Variants in GOLGA7B observed in about 807,000 individuals in gnomAD.
The protein encoded by GOLGA7B is golgin subfamily A member 7B.
Under a neutral mutation model 21.5 loss-of-function variants are expected in GOLGA7B, and 17 were observed. The ratio of observed to expected loss-of-function variants is 0.79; its 90% CI spans 0.54 to 1.19. The LOEUF is 1.19. Ranked by LOEUF, GOLGA7B falls within the 50% of genes most tolerant of loss-of-function variation. The pLI, the probability that GOLGA7B is intolerant of heterozygous loss-of-function variation, is 0.00. For synonymous variants in GOLGA7B, 87 were observed against 84.0 expected (o/e 1.04, Z -0.19); for missense variants, 169 against 224.4 (o/e 0.75, Z 1.58).
intron 2 of GOLGA7B, among the ~76,000 whole-genome samples, chr10:97,860,595 C>T (rs529517366): frequency 5.3e-5 from 8 of 152,212 alleles, no homozygotes; most frequent in East Asian, 1.9e-4. Flanking sequence ...TCAAGTGATC[C>T]GCCCTCCTCG....
At chr10:97,856,960 T>C (rs1169988242) in intron 1 of GOLGA7B, among the ~76,000 whole-genome samples, 1 of 152,192 alleles carries the variant, frequency 6.6e-6, no homozygotes, top group East Asian at 1.9e-4. Flanking sequence ...GAGTTCCTCA[T>C]AGATTCTGGA....
Position 97,850,091 on chromosome 10 carries a change from C to T in GOLGA7B, c.-213C>T. 5.6e-6 allele frequency: 1 copy of T among 180,052 alleles called. No homozygotes were observed. The highest frequency in any genetic ancestry group is 1.6e-4 in the East Asian group (1 of 6,238). 11.2% of individuals were successfully genotyped at this position (180,052 alleles called of 1,614,324 possible). A position where few individuals can be genotyped will look rare whatever the true frequency, so the allele number is the denominator to read the frequency against. Reference sequence around the variant, plus strand: ...CTCCCGGGCCCGGCGCCTGCCTCAGCACAGCGGACAGCGCCGCGCCCCTTG... The same window carrying T: ...CTCCCGGGCCCGGCGCCTGCCTCAGTACAGCGGACAGCGCCGCGCCCCTTG... On this transcript the variant is annotated 5_prime_UTR_variant, in exon 1 of 5. Transcript: ENST00000370602.
At chr10:97,851,779 C>T (rs1445188141) in intron 1 of GOLGA7B, among the ~76,000 whole-genome samples, 1 of 152,258 alleles carries the variant, frequency 6.6e-6, no homozygotes, top group African/African-American at 2.4e-5. Context: ...ACAGGCCCAT[C>T]TGTCCCAGGA....
intron 1 of GOLGA7B, among the ~76,000 whole-genome samples, chr10:97,854,956 A>G (rs564708830): frequency 1.4e-4 from 21 of 152,166 alleles, no homozygotes; most frequent in Admixed American, 3.9e-4. Flanking sequence ...ATGAAAGGGG[A>G]AAGAGCAGGG....
chr10:97,850,221 C>T lies in GOLGA7B; in HGVS notation c.-83C>T. 3.7e-6 allele frequency: 4 copies of T among 1,087,732 alleles called. No individual in the cohort carries two copies. Among genetic ancestry groups the T allele is most frequent in the South Asian group, 1.9e-5 (1 of 51,970 alleles). 67.4% of individuals were successfully genotyped at this position (1,087,732 alleles called of 1,614,324 possible). A position where few individuals can be genotyped will look rare whatever the true frequency, so the allele number is the denominator to read the frequency against. On this transcript the variant is annotated 5_prime_UTR_variant, in exon 1 of 5. Coordinates refer to ENST00000370602, the MANE Select transcript of GOLGA7B (RefSeq NM_001010917.3). ...CCCGGGCCCCAGCTCGCCGCCACCGCCGCCGCCCACCTGCTCCCGGGGTCA... is the reference window on the plus strand; with the variant it reads ...CCCGGGCCCCAGCTCGCCGCCACCGTCGCCGCCCACCTGCTCCCGGGGTCA...
chr10:97,854,179 GC>G (rs1221929104), intron 1 of GOLGA7B, among the ~76,000 whole-genome samples: 2 of 152,168 alleles, frequency 1.3e-5, no homozygotes, highest in Admixed American at 1.3e-4. Context: ...TTATTGCTCA[GC>G]CCCTGTAAAC....
intron 2 of GOLGA7B, among the ~76,000 whole-genome samples, chr10:97,860,368 CT>C (rs58130896): frequency 1.2e-4 from 18 of 150,260 alleles, no homozygotes; most frequent in African/African-American, 2.0e-4. Flanking sequence ...AATACTAGGT[CT>C]TTTTTTTTTT....
intron 4 of GOLGA7B, 98 bp from the exon 5 acceptor site, chr10:97,865,492 C>T: frequency 6.4e-7 from 1 of 1,555,966 alleles, no homozygotes; most frequent in Admixed American, 1.8e-5. Context: ...GCAGCACAAG[C>T]CCACTTTCCC....
At chr10:97,856,454 A>G (rs1217400665) in intron 1 of GOLGA7B, among the ~76,000 whole-genome samples, 1 of 152,194 alleles carries the variant, frequency 6.6e-6, no homozygotes, top group African/African-American at 2.4e-5. Flanking sequence ...GTGTATATAT[A>G]CCACATTTTC....
In GOLGA7B at chr10:97,849,969, C is replaced by CCCGCCG. The variant is rs1402572608; in HGVS notation, c.-323_-318dup. Among the ~76,000 whole-genome samples, 571 of 150,998 alleles carry CCCGCCG rather than the reference C, an allele frequency of 3.8e-3. 4 individuals carry two copies. Among genetic ancestry groups the CCCGCCG allele is most frequent in the East Asian group, 0.013 (66 of 5,106 alleles). On this transcript the variant is annotated 5_prime_UTR_variant, in exon 1 of 5. Transcript: ENST00000370602. ...CCCTCCTCCCCCGGCCGCCCCCATC[C>CCCGCCG]CCGCCGCCGCCGCCGCCAAAGCTAA...
intron 1 of GOLGA7B, among the ~76,000 whole-genome samples, chr10:97,855,951 G>A (rs2049932587): frequency 6.6e-6 from 1 of 152,188 alleles, no homozygotes; most frequent in South Asian, 2.1e-4. Flanking sequence ...CTGGATTTAG[G>A]AAAGTCACAT....
Position 97,865,662 on chromosome 10 carries a change from A to G in GOLGA7B, c.466A>G (p.Ser156Gly). 1 of 1,610,492 alleles carries G rather than the reference A, an allele frequency of 6.2e-7. No homozygotes were observed. Among genetic ancestry groups the G allele is most frequent in the Non-Finnish European group, 8.5e-7 (1 of 1,178,456 alleles). ...SSSGSSSGSG[S>G]SSGGGGGAGA... is the part of the protein sequence containing the mutation. ...CAGCGGCAGCAGCAGCGGCAGTGGC[A>G]GCAGCAGCGGTGGGGGTGGTGGGGC... Residue 156 changes from serine to glycine, a missense_variant, in exon 5 of 5, where the codon AGC becomes GGC. Transcript: ENST00000370602.
chr10:97,867,418 G>T lies in GOLGA7B; in HGVS notation c.*1718G>T. 1 of 152,420 alleles carries T rather than the reference G, an allele frequency of 6.6e-6. No individual in the cohort carries two copies. Among genetic ancestry groups the T allele is most frequent in the Non-Finnish European group, 1.5e-5 (1 of 68,074 alleles). The allele number at this position is 152,420 out of a possible 1,614,324, so 9.4% of individuals were successfully genotyped here. ...ACCAGCCACTGGAGGTAGCTCTCTGGAGTCAAAGAGAGGCCTGCTTTTCTA... is the reference window on the plus strand; with the variant it reads ...ACCAGCCACTGGAGGTAGCTCTCTGTAGTCAAAGAGAGGCCTGCTTTTCTA... On this transcript the variant is annotated 3_prime_UTR_variant, in exon 5 of 5. Coordinates refer to ENST00000370602, the MANE Select transcript of GOLGA7B (RefSeq NM_001010917.3).
At chr10:97,854,926 A>G (rs2049925912) in intron 1 of GOLGA7B, among the ~76,000 whole-genome samples, 1 of 152,194 alleles carries the variant, frequency 6.6e-6, no homozygotes, top group Non-Finnish European at 1.5e-5. Flanking sequence ...TATCTTCAAC[A>G]CAGGGCTCCA....
chr10:97,850,380 G>A (rs2049897693), intron 1 of GOLGA7B, 65 bp downstream of exon 1: 2 of 1,430,160 alleles, frequency 1.4e-6, no homozygotes, highest in East Asian at 2.8e-5. Context: ...CCCTAGGGGT[G>A]GGCTGGGCAG....
rs142546456 is a variant in GOLGA7B at position 97,865,004 on chromosome 10, G to A, written c.394-586G>A. 3.1e-3 allele frequency: 480 copies of A among 152,684 alleles called. 3 individuals are homozygous for A. The highest frequency in any genetic ancestry group is 0.011 in the African/African-American group (467 of 41,570). The allele number at this position is 152,684 out of a possible 1,614,324, so 9.5% of individuals were successfully genotyped here. A position where few individuals can be genotyped will look rare whatever the true frequency, so the allele number is the denominator to read the frequency against. On this transcript the variant is annotated intron_variant, in intron 4 of 4. Coordinates refer to ENST00000370602, the MANE Select transcript of GOLGA7B (RefSeq NM_001010917.3). ...AAAAACCACAAACACCCAGAATCAC[G>A]TGTTGACAAAGCCCAGTGAGAGGCA...
Position 97,865,782 on chromosome 10 carries a change from C to T in GOLGA7B, c.*82C>T, listed in dbSNP as rs911228602. 54 of 1,304,952 alleles carry T rather than the reference C, an allele frequency of 4.1e-5. No homozygotes were observed. The highest frequency in any genetic ancestry group is 7.8e-5 in the East Asian group (2 of 25,784). The allele number at this position is 1,304,952 out of a possible 1,614,324, so 80.8% of individuals were successfully genotyped here. On this transcript the variant is annotated 3_prime_UTR_variant, in exon 5 of 5. Transcript: ENST00000370602. ...GCGGCGGCTGCGCTACCAGAGCACC[C>T]GCTTCTGAGTCATTCTTTGGGCTCA...
intron 1 of GOLGA7B, among the ~76,000 whole-genome samples, chr10:97,856,115 T>G (rs769480842): frequency 1.3e-5 from 2 of 152,256 alleles, no homozygotes; most frequent in Non-Finnish European, 1.5e-5. Flanking sequence ...GGAGTACATG[T>G]GCATGTTTGT....
At position 97,868,992 on chromosome 10, in the gene GOLGA7B, A is replaced by G. The variant is rs1453386509; in HGVS notation, c.*3292A>G. The G allele has an allele frequency of 6.6e-6, 1 of 152,208 alleles. No individual in the cohort carries two copies. Among genetic ancestry groups the G allele is most frequent in the Non-Finnish European group, 1.5e-5 (1 of 68,038 alleles). 9.4% of individuals were successfully genotyped at this position (152,208 alleles called of 1,614,324 possible). A position where few individuals can be genotyped will look rare whatever the true frequency, so the allele number is the denominator to read the frequency against. The stretch of plus-strand genomic sequence containing the variant: ...CTTATTTCCCATTTTACATATGGGG[A>G]AACTGAGGCTCATGGACGTTAAGTA... On this transcript the variant is annotated 3_prime_UTR_variant, in exon 5 of 5. Transcript: ENST00000370602.
Sources: gnomAD v4.1 joint callset for allele counts (sites outside exome capture counted in the v4.1 genomes callset) on GRCh38, gnomAD v4.1.1 for gene constraint, MANE v1.5 for transcripts, NCBI Gene and HGNC (gene_info 2026-07-23, HGNC 2026-07-21) for gene names.